The following ANKRD12 variants were observed in gnomAD, a reference collection of about 807,000 sequenced individuals.
ANKRD12 encodes the protein ankyrin repeat domain 12.
A neutral mutation model predicts 183.4 loss-of-function variants in ANKRD12; 85 were observed. The ratio of observed to expected loss-of-function variants is 0.46; its 90% CI spans 0.39 to 0.56. The LOEUF is 0.56. ANKRD12 is among the 20% of genes least tolerant of loss of function. The pLI is 0.00. For synonymous variants in ANKRD12, 914 were observed against 800.2 expected, an observed-to-expected ratio of 1.14 and a Z score of -2.40; for missense variants, 2,405 against 2,357.1, an observed-to-expected ratio of 1.02 and a Z score of -0.42.
intron 1 of ANKRD12, among the ~76,000 whole-genome samples, chr18:9,159,077 C>T (rs1245177514): frequency 6.6e-6 from 1 of 152,162 alleles, no homozygotes; most frequent in Non-Finnish European, 1.5e-5. Context: ...TATCCAGACT[C>T]ATCTTTTGTT....
At chr18:9,160,890 T>C (rs1030170767) in intron 1 of ANKRD12, among the ~76,000 whole-genome samples, 2 of 152,252 alleles carry the variant, frequency 1.3e-5, no homozygotes, top group African/African-American at 4.8e-5. Flanking sequence ...AATCATTTTA[T>C]AAACTGTCAG....
rs766579592 is a variant in ANKRD12 at position 9,256,644 on chromosome 18, C to A, written c.3377C>A (p.Thr1126Lys). 1.2e-6 allele frequency: 2 copies of A among 1,605,544 alleles called. No individual in the cohort carries two copies. Among genetic ancestry groups the A allele is most frequent in the Non-Finnish European group, 8.5e-7 (1 of 1,178,742 alleles). ...CTTAAAATAAAAGATAAAGAAAAAACAAAGCATACACCAACTGAATCCAAA... is the reference window on the plus strand; with the variant it reads ...CTTAAAATAAAAGATAAAGAAAAAAAAAAGCATACACCAACTGAATCCAAA... ...LELKIKDKEK[T>K]KHTPTESKNK... Residue 1126 changes from threonine to lysine, a missense_variant, in exon 9 of 13, where the codon ACA becomes AAA. By Grantham distance (78) the Thr-to-Lys change is moderately conservative. Transcript: ENST00000262126.
intron 1 of ANKRD12, among the ~76,000 whole-genome samples, chr18:9,141,645 T>TA (rs1212412256): frequency 4.6e-5 from 7 of 152,084 alleles, no homozygotes; most frequent in East Asian, 1.9e-4. Flanking sequence ...TCTTTGGCTT[T>TA]AAAAAAAATT....
chr18:9,222,129 A>G, intron 8 of ANKRD12, 130 bp downstream of exon 8: 1 of 1,101,384 alleles, frequency 9.1e-7, no homozygotes, highest in Non-Finnish European at 1.3e-6. Flanking sequence ...AATAATGCTT[A>G]GCTAACTAGC....
chr18:9,185,965 G>A (rs1254744741), intron 2 of ANKRD12, among the ~76,000 whole-genome samples: 4 of 152,184 alleles, frequency 2.6e-5, no homozygotes, highest in Admixed American at 2.6e-4. Flanking sequence ...TTTAAGTATA[G>A]TGAAGATTAT....
chr18:9,182,296 A>G, intron 1 of ANKRD12, 86 bp from the exon 2 acceptor site: 1 of 383,484 alleles, frequency 2.6e-6, no homozygotes, highest in Admixed American at 4.6e-5. Context: ...TCTTATGAAA[A>G]CAGAGAGAAA....
intron 10 of ANKRD12, among the ~76,000 whole-genome samples, chr18:9,272,141 C>G (rs373388225): frequency 6.6e-6 from 1 of 152,162 alleles, no homozygotes; most frequent in East Asian, 1.9e-4. Context: ...AGGCTCTGCT[C>G]TAGGGGTTTA....
At chr18:9,219,409 C>T (rs1016372234) in intron 7 of ANKRD12, among the ~76,000 whole-genome samples, 8 of 152,028 alleles carry the variant, frequency 5.3e-5, no homozygotes, top group African/African-American at 1.9e-4. Flanking sequence ...CAGTAAGGGG[C>T]AGTTTCAAAG....
intron 8 of ANKRD12, among the ~76,000 whole-genome samples, chr18:9,249,066 T>C (rs1598689155): frequency 6.6e-6 from 1 of 152,234 alleles, no homozygotes; most frequent in African/African-American, 2.4e-5. Flanking sequence ...AAACTCATTA[T>C]AAATTTAACA....
chr18:9,285,104 G>T lies in ANKRD12; in HGVS notation c.*3978G>T, dbSNP rs1210901714. 5.3e-5 allele frequency: 8 copies of T among 152,214 alleles called. No individual in the cohort carries two copies. Among genetic ancestry groups the T allele is most frequent in the Non-Finnish European group, 1.0e-4 (7 of 68,176 alleles). The allele number at this position is 152,214 out of a possible 1,614,324, so 9.4% of individuals were successfully genotyped here. A position where few individuals can be genotyped will look rare whatever the true frequency, so the allele number is the denominator to read the frequency against. ...GGCGCCTGTAGTTCCAGCTACTCGG[G>T]AGGCTGAGGCAGGAGAATGGCGTGA... is the stretch of plus-strand genomic sequence containing the variant. On this transcript the variant is annotated 3_prime_UTR_variant, in exon 13 of 13. Transcript: ENST00000262126.
intron 2 of ANKRD12, among the ~76,000 whole-genome samples, chr18:9,191,338 T>A (rs963161023): frequency 5.3e-5 from 8 of 152,224 alleles, no homozygotes; most frequent in Admixed American, 2.6e-4. Flanking sequence ...AAACCCTTTG[T>A]TCAAATACGC....
rs1266125895 is a variant in ANKRD12 at position 9,283,445 on chromosome 18, A to T, written c.*2319A>T. On this transcript the variant is annotated 3_prime_UTR_variant, in exon 13 of 13. Transcript: ENST00000262126. ...CTCAAAGCTAATGATAGCTTAAAAG[A>T]AAAGTTAATGCCTTCTCATTGGAAA... The T allele has an allele frequency of 6.6e-6, 1 of 152,232 alleles. No individual in the cohort carries two copies. Among genetic ancestry groups the T allele is most frequent in the Non-Finnish European group, 1.5e-5 (1 of 68,026 alleles). 9.4% of individuals were successfully genotyped at this position (152,232 alleles called of 1,614,324 possible). A position where few individuals can be genotyped will look rare whatever the true frequency, so the allele number is the denominator to read the frequency against.
chr18:9,219,478 A>T (rs144127673), intron 7 of ANKRD12, among the ~76,000 whole-genome samples: 244 of 152,332 alleles, frequency 1.6e-3, no homozygotes, highest in African/African-American at 5.5e-3. Context: ...TAGAAATTGG[A>T]GAAATGAGCA....
At chr18:9,141,164 A>G (rs2078300889) in intron 1 of ANKRD12, among the ~76,000 whole-genome samples, 2 of 152,264 alleles carry the variant, frequency 1.3e-5, no homozygotes, top group East Asian at 1.9e-4. Context: ...TATGGGAATC[A>G]TAGAACATAG....
intron 3 of ANKRD12, among the ~76,000 whole-genome samples, chr18:9,196,607 C>T (rs2034840191): frequency 6.6e-6 from 1 of 152,160 alleles, no homozygotes; most frequent in Non-Finnish European, 1.5e-5. Flanking sequence ...TGAAAATACT[C>T]ATAAAGATTT....
At chr18:9,144,215 T>C (rs2078416989) in intron 1 of ANKRD12, among the ~76,000 whole-genome samples, 1 of 152,324 alleles carries the variant, frequency 6.6e-6, no homozygotes, top group South Asian at 2.1e-4. Flanking sequence ...GTTAGGGTTT[T>C]ACAGCATGCA....
At chr18:9,163,327 A>T (rs1265096402) in intron 1 of ANKRD12, among the ~76,000 whole-genome samples, 1 of 152,024 alleles carries the variant, frequency 6.6e-6, no homozygotes, top group Non-Finnish European at 1.5e-5. Context: ...TGTTTTCGTC[A>T]GGTTTGTCAA....
At chr18:9,234,194 A>G (rs558384075) in intron 8 of ANKRD12, among the ~76,000 whole-genome samples, 1 of 152,318 alleles carries the variant, frequency 6.6e-6, no homozygotes, top group African/African-American at 2.4e-5. Context: ...CACCACTCAC[A>G]GGCCTAGACA....
chr18:9,141,021 C>T (rs538877305), intron 1 of ANKRD12, among the ~76,000 whole-genome samples: 1 of 152,112 alleles, frequency 6.6e-6, no homozygotes, highest in South Asian at 2.1e-4. Flanking sequence ...TTAACCATTG[C>T]TCTGCCTCTA....
Sources: allele counts gnomAD v4.1 joint callset (sites outside exome capture counted in the v4.1 genomes callset), GRCh38; gene constraint gnomAD v4.1.1; transcripts MANE v1.5; gene names NCBI Gene and HGNC (gene_info 2026-07-23, HGNC 2026-07-21).